Variants in BPIFC observed in about 807,000 individuals in gnomAD.
BPIFC encodes the protein BPI fold containing family C.
Under a neutral mutation model 57.6 loss-of-function variants are expected in BPIFC, and 60 were observed. That is an observed-to-expected ratio of 1.04 (90% CI 0.85 to 1.29). The LOEUF is 1.29. BPIFC is among the 50% of genes most tolerant of loss of function. The probability of loss-of-function intolerance (pLI) is 0.00; values close to 1 mark genes in which losing one functional copy is unlikely to be tolerated. For synonymous variants in BPIFC, 243 were observed against 224.5 expected (o/e 1.08, Z -0.74); for missense variants, 581 against 600.5 (o/e 0.97, Z 0.34).
chr22:32,440,466 C>T (rs1176836511), intron 8 of BPIFC, among the ~76,000 whole-genome samples: 2 of 152,174 alleles, frequency 1.3e-5, no homozygotes, highest in African/African-American at 2.4e-5. Context: ...GGGCTAGGTG[C>T]TGTGCCTGAC....
Position 32,453,956 on chromosome 22 carries a change from A to T in BPIFC, c.125-453T>A, listed in dbSNP as rs1480083215. Among the ~76,000 whole-genome samples the T allele has an allele frequency of 3.9e-5, 6 of 152,154 alleles. No individual in the cohort carries two copies. The East Asian group carries it at 7.7e-4, about 20-fold the overall frequency. ...AACAACAACAACAAAAAAAAAAATT[A>T]AAAAATTAGCTGGGCATAATGGTGC... is the stretch of plus-strand genomic sequence containing the variant. On this transcript the variant is annotated intron_variant, in intron 3 of 16. Transcript: ENST00000300399.
In BPIFC at chr22:32,433,778, A is replaced by C; in HGVS notation, c.925-6T>G. The C allele has an allele frequency of 1.9e-6, 3 of 1,613,144 alleles. No homozygotes were observed. The highest frequency in any genetic ancestry group is 2.5e-6 in the Non-Finnish European group (3 of 1,179,136). On this transcript the variant is annotated splice_region_variant and splice_polypyrimidine_tract_variant and intron_variant, in intron 10 of 16. Coordinates refer to ENST00000300399, the MANE Select transcript of BPIFC (RefSeq NM_174932.3). ...TGAACAAAATGGTTGGAAATCTGGA[A>C]AATAAAGCCCATTATGTCACTGTTA...
intron 4 of BPIFC, among the ~76,000 whole-genome samples, chr22:32,450,667 A>G (rs1386533237): frequency 6.6e-6 from 1 of 152,068 alleles, no homozygotes; most frequent in Non-Finnish European, 1.5e-5. Flanking sequence ...ACCTCAATTC[A>G]AACATTGGAT....
At chr22:32,414,575 G>A in intron 16 of BPIFC, 150 bp from the exon 17 acceptor site, 3 of 971,954 alleles carry the variant, frequency 3.1e-6, no homozygotes, top group Non-Finnish European at 4.4e-6. Context: ...GTGTGGTGGT[G>A]CGATCTTGGC....
Position 32,457,259 on chromosome 22 carries a change from T to C in BPIFC, c.124+4A>G, listed in dbSNP as rs1189336014. On this transcript the variant is annotated splice_donor_region_variant and intron_variant, in intron 3 of 16. Transcript: ENST00000300399. ...GGTCTGGCTTCTGAAAACATCCAAC[T>C]CACCATAGTCAAGTGCCCTCTGAGT... The C allele has an allele frequency of 6.3e-7, 1 of 1,591,962 alleles. No individual in the cohort carries two copies. The highest frequency in any genetic ancestry group is 1.1e-5 in the South Asian group (1 of 87,250).
chr22:32,450,430 CCT>C (rs1470758766), intron 4 of BPIFC, among the ~76,000 whole-genome samples: 1 of 152,020 alleles, frequency 6.6e-6, no homozygotes, highest in East Asian at 1.9e-4. Flanking sequence ...AGAACATATT[CCT>C]GTTGTTAAGC....
chr22:32,462,665 C>A (rs1935190862), intron 1 of BPIFC, among the ~76,000 whole-genome samples: 1 of 152,158 alleles, frequency 6.6e-6, no homozygotes, highest in South Asian at 2.1e-4. Context: ...GTCCAAGATC[C>A]CACAGTAAGT....
intron 13 of BPIFC, among the ~76,000 whole-genome samples, chr22:32,430,526 T>C (rs1569449698): frequency 7.7e-6 from 1 of 129,830 alleles, no homozygotes. Context: ...ATATAAAACA[T>C]AATATATTTT....
At chr22:32,426,758 G>A (rs1224770393) in intron 13 of BPIFC, among the ~76,000 whole-genome samples, 2 of 152,032 alleles carry the variant, frequency 1.3e-5, no homozygotes, top group African/African-American at 2.4e-5. Context: ...CATGTGTGGT[G>A]GCACACGCCT....
At chr22:32,456,436 T>G (rs1935039458) in intron 3 of BPIFC, among the ~76,000 whole-genome samples, 1 of 143,236 alleles carries the variant, frequency 7.0e-6, no homozygotes. Flanking sequence ...TCTTTCTTTC[T>G]TTCTTCCCTC....
intron 2 of BPIFC, among the ~76,000 whole-genome samples, chr22:32,459,135 A>G (rs1183581914): frequency 6.6e-6 from 1 of 152,182 alleles, no homozygotes; most frequent in African/African-American, 2.4e-5. Flanking sequence ...GCACTTACAC[A>G]TGCAAAAGAC....
At chr22:32,452,480 C>CA (rs59723576) in intron 4 of BPIFC, among the ~76,000 whole-genome samples, 9,534 of 150,110 alleles carry the variant, frequency 0.064, 310 homozygotes, top group African/African-American at 0.069. Context: ...ACTAAAAATA[C>CA]AAAAAAAAAT....
At chr22:32,422,220 G>T (rs1206480896) in intron 13 of BPIFC, among the ~76,000 whole-genome samples, 1 of 152,172 alleles carries the variant, frequency 6.6e-6, no homozygotes, top group African/African-American at 2.4e-5. Context: ...AGAACAGCAG[G>T]CCAACAGGTT....
intron 10 of BPIFC, among the ~76,000 whole-genome samples, chr22:32,434,334 T>G (rs1226079712): frequency 6.7e-6 from 1 of 149,332 alleles, no homozygotes; most frequent in African/African-American, 2.4e-5. Context: ...TGTGTACATA[T>G]TCTTCATTTA....
intron 9 of BPIFC, among the ~76,000 whole-genome samples, chr22:32,436,361 G>A (rs13054935): frequency 0.65 from 91,418 of 140,802 alleles, 31,180 homozygotes; most frequent in South Asian, 0.84. Context: ...AGGAGGAGGA[G>A]GAGGAGGAGG....
At chr22:32,429,146 T>G (rs1934157127) in intron 13 of BPIFC, among the ~76,000 whole-genome samples, 1 of 152,204 alleles carries the variant, frequency 6.6e-6, no homozygotes, top group Admixed American at 6.5e-5. Flanking sequence ...TTTTGTATTC[T>G]GTTTTTTCCA....
intron 3 of BPIFC, 55 bp from the exon 4 acceptor site, chr22:32,453,558 A>G (rs1934956239): frequency 6.6e-7 from 1 of 1,524,804 alleles, no homozygotes; most frequent in Non-Finnish European, 8.7e-7. Context: ...ATAATAGCAT[A>G]ATAACATTAA....
Position 32,435,706 on chromosome 22 carries a change from C to A in BPIFC, c.922G>T (p.Glu308Ter). The A allele has an allele frequency of 6.2e-7, 1 of 1,613,210 alleles. No homozygotes were observed. The highest frequency in any genetic ancestry group is 8.5e-7 in the Non-Finnish European group (1 of 1,179,530). The change falls in exon 10 of 17, where the codon GAG becomes TAG. Residue 308 changes from glutamate (E) to a stop codon, truncating the protein, a stop_gained and splice_region_variant. Transcript: ENST00000300399. LOFTEE classifies it high-confidence loss of function. ...GVFNVTLSTE[E>*]ISNHFVQNSQ... ...CATCCTCAGTTAACTCTCCTCACCTCTTCGGTGGAGAGAGTGACATTGAAA... is the reference window on the plus strand; with the variant it reads ...CATCCTCAGTTAACTCTCCTCACCTATTCGGTGGAGAGAGTGACATTGAAA...
intron 13 of BPIFC, among the ~76,000 whole-genome samples, chr22:32,429,517 T>G (rs1601454000): frequency 1.6e-5 from 2 of 123,424 alleles, no homozygotes; most frequent in South Asian, 2.7e-4. Context: ...TTGTTTTTTT[T>G]TTTTTTTTTT....
Sources: gnomAD v4.1 joint callset for allele counts (sites outside exome capture counted in the v4.1 genomes callset) on GRCh38, gnomAD v4.1.1 for gene constraint, MANE v1.5 for transcripts, NCBI Gene and HGNC (gene_info 2026-07-23, HGNC 2026-07-21) for gene names.